The following CSMD1 variants were observed in gnomAD, a reference collection of about 807,000 sequenced individuals.
CSMD1 encodes the protein CUB and sushi domain-containing protein 1.
Under a neutral mutation model 417.5 loss-of-function variants are expected in CSMD1, and 213 were observed. The ratio of observed to expected loss-of-function variants is 0.51; its 90% CI spans 0.46 to 0.57. The LOEUF (loss-of-function observed/expected upper bound fraction) is 0.57, where lower values mean the gene tolerates loss of function less well. CSMD1 is among the 20% of genes least tolerant of loss of function. The pLI, the probability that CSMD1 is intolerant of heterozygous loss-of-function variation, is 0.00. For missense variants in CSMD1, 6,923 were observed against 4,529.7 expected (o/e 1.53, Z -15.17); for synonymous variants, 2,862 against 1,736.8 (o/e 1.65, Z -16.11).
chr8:3,804,289 AAAAT>A (rs1373553071), intron 5 of CSMD1, among the ~76,000 whole-genome samples: 2 of 152,204 alleles, frequency 1.3e-5, no homozygotes, highest in African/African-American at 2.4e-5. Context: ...GCAGAATACT[AAAAT>A]AAATAATTTT....
intron 1 of CSMD1, among the ~76,000 whole-genome samples, chr8:4,966,156 G>C (rs1234062210): frequency 6.8e-6 from 1 of 147,378 alleles, no homozygotes; most frequent in Non-Finnish European, 1.5e-5. Context: ...CTGAGGTAAG[G>C]AGTTCCAGAC....
At chr8:4,751,584 T>TA (rs1286695781) in intron 1 of CSMD1, among the ~76,000 whole-genome samples, 1 of 152,112 alleles carries the variant, frequency 6.6e-6, no homozygotes, top group East Asian at 1.9e-4. Context: ...CACCTACAGA[T>TA]AAAAAACAGA....
At chr8:3,936,330 AC>A (rs946685090) in intron 5 of CSMD1, among the ~76,000 whole-genome samples, 21 of 152,194 alleles carry the variant, frequency 1.4e-4, no homozygotes, top group Non-Finnish European at 2.9e-4. Context: ...TTGAGTGTAA[AC>A]AAAGCAGCCT....
chr8:3,031,143 G>C (rs565795561), intron 50 of CSMD1, among the ~76,000 whole-genome samples: 6 of 151,866 alleles, frequency 4.0e-5, no homozygotes, highest in Admixed American at 2.0e-4. Context: ...GCCCTTAAAG[G>C]CTTTTAGCCT....
At chr8:4,108,043 GAGAGACAGAGACAGAGACAGAGAC>G (rs67864387) in intron 3 of CSMD1, among the ~76,000 whole-genome samples, 2 of 182 alleles carry the variant, frequency 0.011, no homozygotes, top group Non-Finnish European at 0.023. Flanking sequence ...GAGAGAGAAA[GAGAGACAGAGACAGAGACAGAGAC>G]AGAGACAGAG....
intron 5 of CSMD1, among the ~76,000 whole-genome samples, chr8:3,757,575 A>G (rs1380470313): frequency 6.6e-6 from 1 of 152,150 alleles, no homozygotes; most frequent in East Asian, 1.9e-4. Context: ...GCGATTTGTA[A>G]AAACAGACCC....
At chr8:4,750,716 C>G in intron 1 of CSMD1, among the ~76,000 whole-genome samples, 1 of 150,264 alleles carries the variant, frequency 6.7e-6, no homozygotes, top group African/African-American at 2.5e-5. Flanking sequence ...CCAATAGAAA[C>G]TTGACTTTTG....
chr8:2,978,544 C>G (rs774089340), intron 55 of CSMD1, 68 bp downstream of exon 55: 197 of 1,257,548 alleles, frequency 1.6e-4, no homozygotes, highest in Middle Eastern at 9.7e-4. Context: ...AATATACTTA[C>G]GGAATTTTCT....
intron 10 of CSMD1, among the ~76,000 whole-genome samples, chr8:3,559,607 A>C (rs1021410914): frequency 6.6e-6 from 1 of 152,192 alleles, no homozygotes; most frequent in Non-Finnish European, 1.5e-5. Flanking sequence ...ATAAGTACCC[A>C]CAATTACAAT....
chr8:4,496,487 C>T (rs558480117), intron 2 of CSMD1, among the ~76,000 whole-genome samples: 188 of 152,258 alleles, frequency 1.2e-3, no homozygotes, highest in African/African-American at 4.5e-3. Flanking sequence ...TCTCCGTTTG[C>T]GGAACTTGTA....
rs1563266805 is a variant in CSMD1, at chr8:3,039,312, C to CCTT, written c.7661-9800_7661-9799insAAG. 1.4e-4 allele frequency among the ~76,000 whole-genome samples: 21 copies of CCTT among 151,272 alleles called. 1 individual carries two copies. Among genetic ancestry groups the CCTT allele is most frequent in the African/African-American group, 4.1e-4 (17 of 41,064 alleles). On this transcript the variant is annotated intron_variant, in intron 50 of 69. Coordinates refer to ENST00000635120, the MANE Select transcript of CSMD1 (RefSeq NM_033225.6). Reference sequence around the variant, plus strand: ...TTCCTTACTTCCTTCCTCTCTCCCTCCCTTCCTTCTTTTCCTTTCTTTCTT... The same window carrying CCTT: ...TTCCTTACTTCCTTCCTCTCTCCCTCCTTCCTTCCTTCTTTTCCTTTCTTTCTT...
intron 5 of CSMD1, among the ~76,000 whole-genome samples, chr8:3,864,439 T>C (rs899295890): frequency 1.3e-5 from 2 of 152,178 alleles, no homozygotes; most frequent in Non-Finnish European, 1.5e-5. Context: ...GAATACAGTA[T>C]GAGAAGGGGT....
intron 23 of CSMD1, among the ~76,000 whole-genome samples, chr8:3,339,550 T>G (rs1008190506): frequency 6.6e-6 from 1 of 152,180 alleles, no homozygotes; most frequent in Non-Finnish European, 1.5e-5. Context: ...GTTCCGTAAT[T>G]TGAAATAATT....
chr8:3,492,050 A>T (rs577239316), intron 11 of CSMD1, among the ~76,000 whole-genome samples: 3 of 152,350 alleles, frequency 2.0e-5, no homozygotes, highest in African/African-American at 7.2e-5. Context: ...AGGATTAATC[A>T]GTGAAGGAGA....
chr8:3,276,222 C>T (rs942903830), intron 26 of CSMD1, among the ~76,000 whole-genome samples: 1 of 152,058 alleles, frequency 6.6e-6, no homozygotes, highest in Non-Finnish European at 1.5e-5. Context: ...CTGGGAGGTG[C>T]CTCTCAGTTA....
intron 7 of CSMD1, among the ~76,000 whole-genome samples, chr8:3,681,396 C>A (rs1799653705): frequency 6.6e-6 from 1 of 152,080 alleles, no homozygotes; most frequent in Admixed American, 6.6e-5. Flanking sequence ...ACACCAATAA[C>A]AGACAAACAG....
chr8:4,315,861 G>T (rs933159031), intron 3 of CSMD1, among the ~76,000 whole-genome samples: 4 of 151,954 alleles, frequency 2.6e-5, no homozygotes, highest in Non-Finnish European at 5.9e-5. Flanking sequence ...TATATTCTCA[G>T]TCTTCTTAGT....
chr8:3,504,750 C>G (rs1054317670), intron 10 of CSMD1, among the ~76,000 whole-genome samples: 2 of 152,092 alleles, frequency 1.3e-5, no homozygotes, highest in African/African-American at 2.4e-5. Flanking sequence ...TTTTGCTTCT[C>G]TTAAGTGTGG....
chr8:4,496,892 C>T (rs1802005056), intron 2 of CSMD1, among the ~76,000 whole-genome samples: 1 of 152,064 alleles, frequency 6.6e-6, no homozygotes, highest in Non-Finnish European at 1.5e-5. Flanking sequence ...GCTTTCCAGA[C>T]CATTTAATGC....
Sources: gnomAD v4.1 joint callset for allele counts (sites outside exome capture counted in the v4.1 genomes callset) on GRCh38, gnomAD v4.1.1 for gene constraint, MANE v1.5 for transcripts, NCBI Gene and HGNC (gene_info 2026-07-23, HGNC 2026-07-21) for gene names.